The following ADAMTS12 variants were observed in gnomAD, a reference collection of about 807,000 sequenced individuals.
ADAMTS12 encodes A disintegrin and metalloproteinase with thrombospondin motifs 12.
In ADAMTS12, 118 loss-of-function variants were observed where a neutral mutation model predicts 167.8. The observed-to-expected ratio is 0.70, with a 90% CI of 0.61 to 0.82. The LOEUF (loss-of-function observed/expected upper bound fraction) is 0.82. Among genes scored for constraint, ADAMTS12 ranks in the 40% least tolerant of loss-of-function variants. ADAMTS12 has a pLI of 0.00. For missense variants in ADAMTS12, 1,916 were observed against 1,998.8 expected, an observed-to-expected ratio of 0.96 and a Z score of 0.79; for synonymous variants, 704 against 716.9, an observed-to-expected ratio of 0.98 and a Z score of 0.29.
chr5:33,800,926 T>C (rs1746976126), intron 2 of ADAMTS12, among the ~76,000 whole-genome samples: 1 of 152,198 alleles, frequency 6.6e-6, no homozygotes, highest in African/African-American at 2.4e-5. Context: ...TAATTAAGCA[T>C]CTTGAGATGG....
At chr5:33,646,803 A>T (rs1740684199) in intron 9 of ADAMTS12, among the ~76,000 whole-genome samples, 1 of 152,252 alleles carries the variant, frequency 6.6e-6, no homozygotes, top group South Asian at 2.1e-4. Context: ...CTCAGTATAA[A>T]TTGCAAAATA....
At chr5:33,668,537 T>A (rs1200370382) in intron 5 of ADAMTS12, among the ~76,000 whole-genome samples, 4 of 152,184 alleles carry the variant, frequency 2.6e-5, no homozygotes, top group Non-Finnish European at 5.9e-5. Context: ...AGGGTCTCAC[T>A]CTGTCGCCCA....
At chr5:33,827,424 AC>A (rs1210582206) in intron 2 of ADAMTS12, among the ~76,000 whole-genome samples, 1 of 152,060 alleles carries the variant, frequency 6.6e-6, no homozygotes, top group Non-Finnish European at 1.5e-5. Flanking sequence ...GCCCGTTAAT[AC>A]CTTCATTTCA....
chr5:33,831,085 A>T (rs911736761), intron 2 of ADAMTS12, among the ~76,000 whole-genome samples: 1 of 152,172 alleles, frequency 6.6e-6, no homozygotes, highest in African/African-American at 2.4e-5. Context: ...ACATAGCTCC[A>T]TATGATACAC....
intron 16 of ADAMTS12, among the ~76,000 whole-genome samples, chr5:33,613,463 C>T (rs1013726871): frequency 2.6e-4 from 39 of 152,144 alleles, no homozygotes; most frequent in Non-Finnish European, 2.9e-4. Flanking sequence ...ATGTGACTAA[C>T]GCCAACCAAC....
At chr5:33,858,382 T>C (rs2961907) in intron 2 of ADAMTS12, among the ~76,000 whole-genome samples, 4,538 of 152,234 alleles carry the variant, frequency 0.03, 191 homozygotes, top group East Asian at 0.2. Context: ...CAAGTCCAGG[T>C]GTGCTGGCTC....
chr5:33,683,139 AG>A (rs1561212549), intron 4 of ADAMTS12, 38 bp from the exon 5 acceptor site: 7 of 1,442,614 alleles, frequency 4.9e-6, no homozygotes, highest in Non-Finnish European at 6.8e-6. Context: ...CTCCACACGA[AG>A]AGATAATAAA....
At chr5:33,700,704 T>C (rs758830736) in intron 3 of ADAMTS12, among the ~76,000 whole-genome samples, 1 of 152,174 alleles carries the variant, frequency 6.6e-6, no homozygotes, top group Non-Finnish European at 1.5e-5. Context: ...TGGGGAAATC[T>C]GAATAAGATC....
intron 3 of ADAMTS12, among the ~76,000 whole-genome samples, chr5:33,721,235 C>T (rs1196790534): frequency 5.3e-5 from 8 of 152,068 alleles, no homozygotes; most frequent in African/African-American, 1.9e-4. Context: ...ATAAAGAGGC[C>T]CCGGAGAGTC....
chr5:33,537,304 T>C (rs1050764967), intron 22 of ADAMTS12, among the ~76,000 whole-genome samples: 3 of 152,184 alleles, frequency 2.0e-5, no homozygotes, highest in African/African-American at 4.8e-5. Context: ...AAAAATGACC[T>C]TGAAGTATGG....
At chr5:33,830,179 T>C (rs1165798500) in intron 2 of ADAMTS12, among the ~76,000 whole-genome samples, 1 of 152,106 alleles carries the variant, frequency 6.6e-6, no homozygotes, top group Non-Finnish European at 1.5e-5. Flanking sequence ...AAAGGATCCA[T>C]GAAGTTGGAA....
At chr5:33,702,727 A>G (rs1743047226) in intron 3 of ADAMTS12, among the ~76,000 whole-genome samples, 1 of 152,186 alleles carries the variant, frequency 6.6e-6, no homozygotes, top group Non-Finnish European at 1.5e-5. Flanking sequence ...CTGACCTTTT[A>G]TTAAACATTC....
intron 3 of ADAMTS12, among the ~76,000 whole-genome samples, chr5:33,701,292 C>G (rs1050516038): frequency 1.3e-5 from 2 of 152,190 alleles, no homozygotes; most frequent in Non-Finnish European, 2.9e-5. Flanking sequence ...CTTGTGGTTT[C>G]CCTGGTGATG....
intron 2 of ADAMTS12, among the ~76,000 whole-genome samples, chr5:33,863,205 A>G (rs887885840): frequency 2.0e-5 from 3 of 152,194 alleles, no homozygotes; most frequent in Non-Finnish European, 4.4e-5. Context: ...CAATCAGGCA[A>G]GAGAAAGAAA....
intron 14 of ADAMTS12, among the ~76,000 whole-genome samples, chr5:33,621,542 A>G (rs1347441948): frequency 6.6e-6 from 1 of 152,188 alleles, no homozygotes; most frequent in Non-Finnish European, 1.5e-5. Flanking sequence ...GTGGTCCACA[A>G]AAACGGACTT....
intron 5 of ADAMTS12, among the ~76,000 whole-genome samples, chr5:33,682,132 G>C (rs2112259471): frequency 1.3e-5 from 2 of 152,350 alleles, no homozygotes; most frequent in Middle Eastern, 3.4e-3. Flanking sequence ...GATGACTGCA[G>C]AGATGACACG....
intron 2 of ADAMTS12, among the ~76,000 whole-genome samples, chr5:33,810,927 G>A (rs1747435052): frequency 2.0e-5 from 3 of 152,156 alleles, no homozygotes; most frequent in Non-Finnish European, 2.9e-5. Context: ...TGTGCTCCTT[G>A]TCCCACCTCT....
Position 33,835,215 on chromosome 5 carries a change from C to T in ADAMTS12, c.489+45904G>A, listed in dbSNP as rs539542386. On this transcript the variant is annotated intron_variant, in intron 2 of 23. Transcript: ENST00000504830. ...GCCCCAGTTCATAACCTCCCAGGAC[C>T]GTAAGACCAAAAGGCAGGGGGGCCA... is the stretch of plus-strand genomic sequence containing the variant. Among the ~76,000 whole-genome samples, 8 of 152,234 alleles carry T rather than the reference C, an allele frequency of 5.3e-5. No homozygotes were observed. In the East Asian group the frequency reaches 1.2e-3, roughly 22 times the overall value.
intron 7 of ADAMTS12, among the ~76,000 whole-genome samples, chr5:33,656,381 T>C (rs1741062162): frequency 6.6e-6 from 1 of 152,198 alleles, no homozygotes; most frequent in African/African-American, 2.4e-5. Flanking sequence ...ATACTTGCCC[T>C]TAGCTTTGTT....
Sources: allele counts gnomAD v4.1 joint callset (sites outside exome capture counted in the v4.1 genomes callset), GRCh38; gene constraint gnomAD v4.1.1; transcripts MANE v1.5; gene names NCBI Gene and HGNC (gene_info 2026-07-23, HGNC 2026-07-21).